Variants in NKAIN1 observed in about 807,000 individuals in gnomAD.
NKAIN1 encodes the protein sodium/potassium-transporting ATPase subunit beta-1-interacting protein 1.
A neutral mutation model predicts 31.6 loss-of-function variants in NKAIN1; 13 were observed. That is an observed-to-expected ratio of 0.41 (90% confidence interval 0.27 to 0.65). NKAIN1 has a LOEUF of 0.65. NKAIN1 is among the 30% of genes least tolerant of loss of function. The pLI is 0.30. For missense variants in NKAIN1, 193 were observed against 262.2 expected, an observed-to-expected ratio of 0.74 and a Z score of 1.82; for synonymous variants, 104 against 109.0, an observed-to-expected ratio of 0.95 and a Z score of 0.28.
chr1:31,232,794 C>T (rs532673551), intron 1 of NKAIN1, among the ~76,000 whole-genome samples: 11 of 152,136 alleles, frequency 7.2e-5, no homozygotes, highest in African/African-American at 2.4e-4. Flanking sequence ...GATTTTATAA[C>T]AATTGTTCTC....
intron 5 of NKAIN1, 98 bp from the exon 6 acceptor site, chr1:31,182,039 C>T (rs1278900920): frequency 5.8e-6 from 7 of 1,212,508 alleles, no homozygotes; most frequent in South Asian, 4.0e-5. Flanking sequence ...AGGACTCCCA[C>T]CCTAGGAAGC....
chr1:31,195,123 CCTT>C (rs1338804882), intron 1 of NKAIN1, among the ~76,000 whole-genome samples: 1 of 142,450 alleles, frequency 7.0e-6, no homozygotes, highest in Non-Finnish European at 1.5e-5. Flanking sequence ...ATTCCTTCCT[CCTT>C]TTTTTTTTTT....
In NKAIN1 at chr1:31,188,232, G is replaced by T. The variant is rs781663847; in HGVS notation, c.55-45C>A. Reference sequence around the variant, plus strand: ...AGGCCACTGTCACCCCCCTGAAAGGGAAGGACAGGGATTCCTGCTTGACCT... The same window carrying T: ...AGGCCACTGTCACCCCCCTGAAAGGTAAGGACAGGGATTCCTGCTTGACCT... On this transcript the variant is annotated intron_variant, in intron 1 of 6. Coordinates refer to ENST00000373736, the MANE Select transcript of NKAIN1 (RefSeq NM_024522.3). 6 of 1,542,436 alleles carry T rather than the reference G, an allele frequency of 3.9e-6. No homozygotes were observed. In the South Asian group the frequency reaches 6.1e-5, roughly 16 times the overall value.
At position 31,210,124 on chromosome 1, in the gene NKAIN1, G is replaced by A. The variant is rs577143195; in HGVS notation, c.55-21937C>T. 4.5e-4 allele frequency among the ~76,000 whole-genome samples: 68 copies of A among 152,174 alleles called. 2 individuals are homozygous for A. In the South Asian group the frequency reaches 0.013, roughly 30 times the overall value. On this transcript the variant is annotated intron_variant, in intron 1 of 6. Coordinates refer to ENST00000373736, the MANE Select transcript of NKAIN1 (RefSeq NM_024522.3). ...ACGCCCACCAAATTCAGGGTAGAAT[G>A]ATGCTTTGCAGAAATGCATTATGTC...
chr1:31,188,319 C>T, intron 1 of NKAIN1, 132 bp from the exon 2 acceptor site: 1 of 966,730 alleles, frequency 1.0e-6, no homozygotes, highest in Non-Finnish European at 1.5e-6. Context: ...CAATCCAGTC[C>T]TTCACTACCA....
chr1:31,222,616 C>T (rs1645572645), intron 1 of NKAIN1, among the ~76,000 whole-genome samples: 1 of 152,174 alleles, frequency 6.6e-6, no homozygotes, highest in African/African-American at 2.4e-5. Context: ...CCTCTTCAAC[C>T]AGGAGACGGA....
chr1:31,185,302 A>C lies in NKAIN1; in HGVS notation c.218T>G (p.Val73Gly). 6.2e-7 allele frequency: 1 copy of C among 1,610,340 alleles called. No homozygotes were observed. Among genetic ancestry groups the C allele is most frequent in the Admixed American group, 1.7e-5 (1 of 59,580 alleles). Residue 73 changes from valine to glycine, a missense_variant, in exon 3 of 7, where the codon GTT (valine) becomes GGT (glycine). Coordinates refer to ENST00000373736, the MANE Select transcript of NKAIN1 (RefSeq NM_024522.3). Reference protein sequence around the residue: ...ILYAAWLVLWVGWNAFIICFY... With the variant: ...ILYAAWLVLWGGWNAFIICFY... ...GCAGATGATAAATGCATTCCAGCCA[A>C]CCCAGAGCACCAGCCAGGCTGCATA...
chr1:31,200,063 G>A (rs528260323), intron 1 of NKAIN1, among the ~76,000 whole-genome samples: 3 of 151,268 alleles, frequency 2.0e-5, no homozygotes, highest in Admixed American at 6.6e-5. Flanking sequence ...ACACGCACGC[G>A]CACGCACGAA....
chr1:31,206,890 C>T (rs953202977), intron 1 of NKAIN1, among the ~76,000 whole-genome samples: 11 of 152,230 alleles, frequency 7.2e-5, no homozygotes, highest in Admixed American at 4.6e-4. Flanking sequence ...TGCACCACTA[C>T]GCTCAGCTAG....
intron 1 of NKAIN1, among the ~76,000 whole-genome samples, chr1:31,200,032 C>CACACAT (rs1408460214): frequency 3.3e-5 from 5 of 151,796 alleles, no homozygotes; most frequent in Non-Finnish European, 7.4e-5. Context: ...CACGCACACA[C>CACACAT]ACACACATGC....
intron 1 of NKAIN1, among the ~76,000 whole-genome samples, chr1:31,193,563 G>T (rs112720912): frequency 0.036 from 5,401 of 151,758 alleles, 171 homozygotes; most frequent in African/African-American, 0.082. Flanking sequence ...GGGCGTGGTG[G>T]CACGCACCTG....
rs2148371267 is a variant in NKAIN1, at chr1:31,239,219, C to A, written c.54+275G>T. Among the ~76,000 whole-genome samples, 1 of 152,320 alleles carries A rather than the reference C, an allele frequency of 6.6e-6. No homozygotes were observed. Among genetic ancestry groups the A allele is most frequent in the South Asian group, 2.1e-4 (1 of 4,830 alleles). The stretch of plus-strand genomic sequence containing the variant: ...CACAGCGCATCCCCCAACAGGAGGC[C>A]ACTTGTACAGTGCGGGCGGGCCGGG... On this transcript the variant is annotated intron_variant, in intron 1 of 6. Coordinates refer to ENST00000373736, the MANE Select transcript of NKAIN1 (RefSeq NM_024522.3). This position sits in a 1 kb window ranked among gnomAD's most constrained non-coding sequence, Gnocchi z 4.8.
intron 1 of NKAIN1, among the ~76,000 whole-genome samples, chr1:31,191,179 A>T (rs1301196813): frequency 1.3e-5 from 2 of 152,030 alleles, no homozygotes; most frequent in Non-Finnish European, 2.9e-5. Flanking sequence ...TATTCCCAGC[A>T]GATTGGGAGG....
intron 4 of NKAIN1, 21 bp downstream of exon 4, chr1:31,183,796 G>T (rs1399687899): frequency 1.9e-6 from 3 of 1,603,650 alleles, no homozygotes; most frequent in Non-Finnish European, 2.6e-6. Flanking sequence ...TGTGTGTAGG[G>T]TGGGGGACAG....
Position 31,181,620 on chromosome 1 carries a change from G to C in NKAIN1, c.*83C>G. The C allele has an allele frequency of 7.5e-7, 1 of 1,332,722 alleles. No homozygotes were observed. The highest frequency in any genetic ancestry group is 9.8e-7 in the Non-Finnish European group (1 of 1,015,902). 82.6% of individuals were successfully genotyped at this position (1,332,722 alleles called of 1,614,324 possible). ...TGCAGTGAGCGCGCGGGCCACCAGG[G>C]GGACACGCCTGCGCCTTGGCCCGAG... On this transcript the variant is annotated 3_prime_UTR_variant, in exon 7 of 7. Transcript: ENST00000373736.
intron 1 of NKAIN1, among the ~76,000 whole-genome samples, chr1:31,207,642 G>C (rs1645435006): frequency 1.3e-5 from 2 of 152,054 alleles, no homozygotes; most frequent in African/African-American, 2.4e-5. Context: ...CATGGGCACT[G>C]ACCCTGGGTG....
chr1:31,195,677 T>C (rs1437544990), intron 1 of NKAIN1, among the ~76,000 whole-genome samples: 2 of 152,020 alleles, frequency 1.3e-5, no homozygotes, highest in African/African-American at 4.8e-5. Context: ...ATCCCAGCAC[T>C]TTGAGAGGCC....
chr1:31,210,862 C>T (rs1330975761), intron 1 of NKAIN1, among the ~76,000 whole-genome samples: 1 of 152,188 alleles, frequency 6.6e-6, no homozygotes, highest in Non-Finnish European at 1.5e-5. Flanking sequence ...CCATTCTTAC[C>T]TGATTTGTTC....
intron 3 of NKAIN1, among the ~76,000 whole-genome samples, chr1:31,184,478 T>A (rs1645227513): frequency 6.6e-6 from 1 of 152,118 alleles, no homozygotes; most frequent in Non-Finnish European, 1.5e-5. Flanking sequence ...AACAGATAAA[T>A]ACTCACTGCC....
Sources: gnomAD v4.1 joint callset for allele counts (sites outside exome capture counted in the v4.1 genomes callset) on GRCh38, gnomAD v4.1.1 for gene constraint, Gnocchi (gnomAD v3.1) non-coding constraint, MANE v1.5 for transcripts, NCBI Gene and HGNC (gene_info 2026-07-23, HGNC 2026-07-21) for gene names.